Variants in MROH1 observed in about 807,000 individuals in gnomAD.
MROH1 encodes the protein maestro heat-like repeat-containing protein family member 1.
In MROH1, 117 loss-of-function variants were observed where a neutral mutation model predicts 116.5. That is an observed-to-expected ratio of 1.00 (90% CI 0.86 to 1.17). The LOEUF is 1.17. Among genes scored for constraint, MROH1 ranks in the 50% most tolerant of loss-of-function variants. The pLI, the probability that MROH1 is intolerant of heterozygous loss-of-function variation, is 0.00. For synonymous variants in MROH1, 921 were observed against 583.9 expected (o/e 1.58, Z -8.32); for missense variants, 1,873 against 1,338.5 (o/e 1.40, Z -6.23).
chr8:144,245,321 G>C (rs1841702746), intron 29 of MROH1, 61 bp downstream of exon 29: 1 of 764,988 alleles, frequency 1.3e-6, no homozygotes, highest in Non-Finnish European at 2.4e-6. Context: ...CCCAGAGTGT[G>C]AGCTGCCTTC....
Position 144,242,483 on chromosome 8 carries a change from C to T in MROH1, c.2293C>T (p.Leu765Phe). The T allele has an allele frequency of 1.3e-6, 1 of 780,734 alleles. No individual in the cohort carries two copies. The highest frequency in any genetic ancestry group is 2.4e-6 in the Non-Finnish European group (1 of 417,826). The allele number at this position is 780,734 out of a possible 1,614,324, so 48.4% of individuals were successfully genotyped here. Residue 765 changes from leucine to phenylalanine, a missense_variant, in exon 23 of 44, where the codon CTC becomes TTC. Transcript: ENST00000326134. ...GCTGGCCAAGGTAGAGTCAGACATC[C>T]TCCGGAACATCTGCCAGCACTTCAG... ...LVLAKVESDI[L>F]RNICQHFSTK...
intron 1 of MROH1, among the ~76,000 whole-genome samples, chr8:144,160,669 A>G (rs1201563701): frequency 6.7e-6 from 1 of 149,814 alleles, no homozygotes; most frequent in Non-Finnish European, 1.5e-5. Context: ...CACCAGACAA[A>G]TTTATTACCA....
intron 3 of MROH1, among the ~76,000 whole-genome samples, chr8:144,167,436 T>G (rs1587822117): frequency 2.3e-5 from 2 of 86,552 alleles, no homozygotes; most frequent in Non-Finnish European, 4.2e-5. Flanking sequence ...GGTTGTTGGG[T>G]GGAGTGGCCG....
chr8:144,178,515 C>T (rs1033462126), intron 4 of MROH1, among the ~76,000 whole-genome samples: 14 of 152,086 alleles, frequency 9.2e-5, no homozygotes, highest in Non-Finnish European at 1.9e-4. Context: ...GTGATCCGCC[C>T]GCCTCGGCCT....
chr8:144,234,674 G>A (rs1839719743), intron 14 of MROH1, among the ~76,000 whole-genome samples: 1 of 146,872 alleles, frequency 6.8e-6, no homozygotes, highest in Admixed American at 6.8e-5. Flanking sequence ...CCACCACCAT[G>A]TCTGGCTAAT....
intron 4 of MROH1, among the ~76,000 whole-genome samples, chr8:144,174,566 C>T (rs565420588): frequency 1.3e-5 from 2 of 151,354 alleles, no homozygotes; most frequent in South Asian, 2.1e-4. Context: ...TTACTGCAGC[C>T]TTGATCTCCC....
intron 27 of MROH1, 29 bp from the exon 28 acceptor site, chr8:144,244,415 G>A (rs1841534419): frequency 2.7e-6 from 2 of 734,752 alleles, no homozygotes; most frequent in East Asian, 5.2e-5. Context: ...GGTCACTGGT[G>A]GGGCTGGACG....
chr8:144,160,643 C>G (rs1819284934), intron 1 of MROH1, among the ~76,000 whole-genome samples: 2 of 149,782 alleles, frequency 1.3e-5, no homozygotes, highest in African/African-American at 5.0e-5. Flanking sequence ...AAGGGTCCCA[C>G]CGGCTAGAAC....
In MROH1 at chr8:144,234,580, A is replaced by G. The variant is rs562701664; in HGVS notation, c.1339-4176A>G. Among the ~76,000 whole-genome samples the G allele has an allele frequency of 3.4e-5, 4 of 117,716 alleles. No homozygotes were observed. The East Asian group carries it at 1.1e-3, about 31-fold the overall frequency. The allele number at this position is 117,716 out of a possible 152,430, so 77.2% of individuals were successfully genotyped here. A position where few individuals can be genotyped will look rare whatever the true frequency, so the allele number is the denominator to read the frequency against. On this transcript the variant is annotated intron_variant, in intron 14 of 43. Coordinates refer to ENST00000326134, the MANE Select transcript of MROH1 (RefSeq NM_032450.3). ...CTCCCAGGCTGGAGTGCAGTGGCAC[A>G]GTCTCGGCTCACTGCAGTCTCCACT...
chr8:144,223,754 C>G (rs571875651), intron 14 of MROH1, among the ~76,000 whole-genome samples: 6 of 152,354 alleles, frequency 3.9e-5, no homozygotes, highest in African/African-American at 1.4e-4. Flanking sequence ...CTGCAGCCCG[C>G]TGGCTGCTGA....
intron 35 of MROH1, 49 bp downstream of exon 35, chr8:144,255,754 G>A (rs1843617694): frequency 4.2e-6 from 3 of 713,580 alleles, no homozygotes; most frequent in Admixed American, 4.0e-5. Flanking sequence ...GGAAGCACAG[G>A]CATGCGTGTG....
Position 144,181,569 on chromosome 8 carries a change from C to T in MROH1, c.562+1046C>T, listed in dbSNP as rs1825731884. Among the ~76,000 whole-genome samples, 5 of 152,324 alleles carry T rather than the reference C, an allele frequency of 3.3e-5. No homozygotes were observed. In the South Asian group the frequency reaches 1.0e-3, roughly 32 times the overall value. ...CATCTTTGGGGCACTCCTTCACAGG[C>T]TCTTTCTCACCTGTGGATGAGGGCA... is the stretch of plus-strand genomic sequence containing the variant. On this transcript the variant is annotated intron_variant, in intron 7 of 43. Coordinates refer to ENST00000326134, the MANE Select transcript of MROH1 (RefSeq NM_032450.3).
Position 144,247,333 on chromosome 8 carries a change from C to T in MROH1, c.2904C>T (p.Leu968=), listed in dbSNP as rs1842078704. 1.0e-5 allele frequency: 8 copies of T among 773,088 alleles called. No homozygotes were observed. The Admixed American group carries it at 1.2e-4, about 12-fold the overall frequency. 47.9% of individuals were successfully genotyped at this position (773,088 alleles called of 1,614,324 possible). A position where few individuals can be genotyped will look rare whatever the true frequency, so the allele number is the denominator to read the frequency against. Residue 968 remains leucine (L), a synonymous_variant, in exon 30 of 44, where the codon CTC becomes CTT. Transcript: ENST00000326134. ...TGCCCTTCCACAACCTGGGCCTTCT[C>T]ATCGGCCTCTTCTCCCCACGGTGTG... ...ALVPFHNLGL[L]IGLFSPRCAD...
chr8:144,203,477 G>A (rs1382236596), intron 12 of MROH1, among the ~76,000 whole-genome samples: 1 of 151,214 alleles, frequency 6.6e-6, no homozygotes, highest in Admixed American at 6.6e-5. Flanking sequence ...GGAGGGAAGC[G>A]CAGGCTATCT....
rs1840544440 is a variant in MROH1, at chr8:144,239,187, C to G, written c.1591+8C>G. On this transcript the variant is annotated splice_region_variant and intron_variant, in intron 16 of 43. Transcript: ENST00000326134. Reference sequence around the variant, plus strand: ...TCCAGTACGACGCCCATGGTGCGTGCCGCGCCGTACCCCACCTCCCCACTC... The same window carrying G: ...TCCAGTACGACGCCCATGGTGCGTGGCGCGCCGTACCCCACCTCCCCACTC... 1.3e-6 allele frequency: 1 copy of G among 757,300 alleles called. No homozygotes were observed. The highest frequency in any genetic ancestry group is 2.4e-6 in the Non-Finnish European group (1 of 413,020). 46.9% of individuals were successfully genotyped at this position (757,300 alleles called of 1,614,324 possible). A position where few individuals can be genotyped will look rare whatever the true frequency, so the allele number is the denominator to read the frequency against.
At chr8:144,225,815 C>T (rs1014881403) in intron 14 of MROH1, among the ~76,000 whole-genome samples, 106 of 151,952 alleles carry the variant, frequency 7.0e-4, no homozygotes, top group African/African-American at 2.3e-3. Context: ...CTGCCCCGGC[C>T]TCCCAAAGTG....
chr8:144,250,150 G>A (rs1409423435), intron 32 of MROH1, 62 bp from the exon 33 acceptor site: 47 of 735,390 alleles, frequency 6.4e-5, no homozygotes, highest in East Asian at 5.1e-5. Flanking sequence ...TTGGGCTGGC[G>A]TAGGTGTGCC....
intron 17 of MROH1, 82 bp from the exon 18 acceptor site, chr8:144,239,532 G>C: frequency 1.3e-6 from 1 of 759,654 alleles, no homozygotes; most frequent in South Asian, 1.4e-5. Context: ...TCCCCGTCGG[G>C]TGATGTGGTC....
chr8:144,209,618 A>G (rs1833656963), intron 12 of MROH1, among the ~76,000 whole-genome samples: 1 of 151,842 alleles, frequency 6.6e-6, no homozygotes, highest in African/African-American at 2.4e-5. Context: ...TTAGTATAAA[A>G]GAAATCATGG....
Sources: gnomAD v4.1 joint callset for allele counts (sites outside exome capture counted in the v4.1 genomes callset) on GRCh38, gnomAD v4.1.1 for gene constraint, MANE v1.5 for transcripts, NCBI Gene and HGNC (gene_info 2026-07-23, HGNC 2026-07-21) for gene names.